Variants in DPP6 observed in about 807,000 individuals in gnomAD.
DPP6 encodes dipeptidyl peptidase like 6.
A neutral mutation model predicts 122.6 loss-of-function variants in DPP6; 69 were observed. The ratio of observed to expected loss-of-function variants is 0.56; its 90% CI spans 0.46 to 0.69. The LOEUF is 0.69. Among genes scored for constraint, DPP6 ranks in the 30% least tolerant of loss-of-function variants. The pLI is 0.00. For synonymous variants in DPP6, 418 were observed against 433.1 expected, an observed-to-expected ratio of 0.97 and a Z score of 0.43; for missense variants, 928 against 1,116.9, an observed-to-expected ratio of 0.83 and a Z score of 2.41.
intron 1 of DPP6, among the ~76,000 whole-genome samples, chr7:154,133,022 G>A (rs551047382): frequency 6.6e-5 from 10 of 151,790 alleles, no homozygotes; most frequent in Admixed American, 2.6e-4. Flanking sequence ...TGTTTATATC[G>A]TTGTCCGTTG....
chr7:154,102,916 A>G (rs1805855178), intron 1 of DPP6, among the ~76,000 whole-genome samples: 1 of 152,238 alleles, frequency 6.6e-6, no homozygotes, highest in South Asian at 2.1e-4. Flanking sequence ...GTTCCACTCA[A>G]CATGTGATCG....
At chr7:154,186,235 A>G (rs537228592) in intron 1 of DPP6, among the ~76,000 whole-genome samples, 2 of 152,300 alleles carry the variant, frequency 1.3e-5, no homozygotes, top group African/African-American at 4.8e-5. Flanking sequence ...CATTTTCTAG[A>G]TGTTAGAGGA....
intron 1 of DPP6, among the ~76,000 whole-genome samples, chr7:154,000,507 G>A (rs1194174424): frequency 3.3e-5 from 5 of 152,164 alleles, no homozygotes; most frequent in South Asian, 2.1e-4. Flanking sequence ...CCAAGTAGGC[G>A]AGAGAATGCA....
chr7:153,835,285 A>G, the DPP6 span, among the ~76,000 whole-genome samples: 2 of 152,184 alleles, frequency 1.3e-5, no homozygotes, highest in African/African-American at 2.4e-5. Context: ...GCATTGTTGT[A>G]AAAATAAAGG....
chr7:154,250,131 C>T (rs992799274), intron 1 of DPP6, among the ~76,000 whole-genome samples: 3 of 152,084 alleles, frequency 2.0e-5, no homozygotes, highest in Admixed American at 2.0e-4. Flanking sequence ...TGATCACGAC[C>T]CTCTCAAGCG....
intron 14 of DPP6, among the ~76,000 whole-genome samples, chr7:154,804,680 G>A (rs1250614552): frequency 1.3e-5 from 2 of 152,210 alleles, no homozygotes; most frequent in Non-Finnish European, 2.9e-5. Flanking sequence ...ACGAAGCAGA[G>A]GCCAGTGCAG....
intron 1 of DPP6, among the ~76,000 whole-genome samples, chr7:154,407,676 A>G (rs1388478177): frequency 2.6e-5 from 4 of 152,242 alleles, no homozygotes; most frequent in Non-Finnish European, 5.9e-5. Flanking sequence ...CTTTCTTTAA[A>G]ATAAAAGAAG....
intron 17 of DPP6, among the ~76,000 whole-genome samples, chr7:154,862,311 G>C (rs1165320259): frequency 6.6e-6 from 1 of 152,236 alleles, no homozygotes; most frequent in Non-Finnish European, 1.5e-5. Flanking sequence ...TTGCCAGCAG[G>C]CTCCTATGGA....
intron 7 of DPP6, among the ~76,000 whole-genome samples, chr7:154,677,374 A>G (rs912338142): frequency 6.6e-6 from 1 of 150,528 alleles, no homozygotes; most frequent in Non-Finnish European, 1.5e-5. Context: ...AAGATTCAAG[A>G]AAATTGGAGT....
chr7:154,737,931 T>C (rs1383541372), intron 8 of DPP6, among the ~76,000 whole-genome samples: 1 of 152,194 alleles, frequency 6.6e-6, no homozygotes, highest in African/African-American at 2.4e-5. Context: ...ATGATAAAAC[T>C]TCAGGCACCT....
intron 1 of DPP6, among the ~76,000 whole-genome samples, chr7:153,927,942 A>G (rs1415292051): frequency 6.6e-6 from 1 of 152,192 alleles, no homozygotes; most frequent in South Asian, 2.1e-4. Context: ...CCAAAAGAAT[A>G]GCTTCTGAAG....
At chr7:154,566,967 A>G (rs1830797461) in intron 5 of DPP6, 51 bp downstream of exon 5, 2 of 1,288,754 alleles carry the variant, frequency 1.6e-6, no homozygotes, top group East Asian at 4.7e-5. Flanking sequence ...TTATTCTAAT[A>G]TCTCATTAAG....
intron 1 of DPP6, among the ~76,000 whole-genome samples, chr7:154,233,136 G>A (rs1801009755): frequency 6.6e-6 from 1 of 152,096 alleles, no homozygotes; most frequent in East Asian, 1.9e-4. Flanking sequence ...CTGTGAATTA[G>A]AGTAGTTTGT....
At chr7:154,347,854 C>T (rs1348390321) in intron 1 of DPP6, among the ~76,000 whole-genome samples, 2 of 152,196 alleles carry the variant, frequency 1.3e-5, no homozygotes, top group Non-Finnish European at 2.9e-5. Flanking sequence ...AGAGTGCCAA[C>T]TTGTGGAGTG....
At chr7:154,763,174 A>G (rs1795668199) in intron 8 of DPP6, among the ~76,000 whole-genome samples, 1 of 152,196 alleles carries the variant, frequency 6.6e-6, no homozygotes, top group South Asian at 2.1e-4. Context: ...TCTACTAAAA[A>G]TACAGAAATT....
intron 5 of DPP6, among the ~76,000 whole-genome samples, chr7:154,571,262 AC>A (rs1210412376): frequency 3.3e-5 from 5 of 152,220 alleles, no homozygotes; most frequent in Non-Finnish European, 7.4e-5. Flanking sequence ...GATATATTTG[AC>A]AAATATGAAA....
At chr7:154,107,445 T>C (rs1427021161) in intron 1 of DPP6, among the ~76,000 whole-genome samples, 1 of 152,140 alleles carries the variant, frequency 6.6e-6, no homozygotes, top group Non-Finnish European at 1.5e-5. Flanking sequence ...GAGATGTTGG[T>C]ACAAGGATAT....
At chr7:153,881,124 G>A in the DPP6 span, among the ~76,000 whole-genome samples, 1 of 152,168 alleles carries the variant, frequency 6.6e-6, no homozygotes, top group Admixed American at 6.5e-5. Flanking sequence ...TTATTGCTTC[G>A]TTTGTTCGAG....
At chr7:153,908,472 G>T (rs138145567) in intron 1 of DPP6, among the ~76,000 whole-genome samples, 1 of 152,056 alleles carries the variant, frequency 6.6e-6, no homozygotes, top group Admixed American at 6.5e-5. Flanking sequence ...AGATAGTAGA[G>T]TACCAAAAAA....
Sources: allele counts gnomAD v4.1 joint callset (sites outside exome capture counted in the v4.1 genomes callset), GRCh38; gene constraint gnomAD v4.1.1; transcripts MANE v1.5; gene names NCBI Gene and HGNC (gene_info 2026-07-23, HGNC 2026-07-21).